Variants in POC1B observed in about 807,000 individuals in gnomAD.
POC1B encodes POC1 centriolar protein B, also known as POC1 centriolar protein homolog B.
A neutral mutation model predicts 60.6 loss-of-function variants in POC1B; 44 were observed. The observed-to-expected ratio is 0.73, with a 90% CI of 0.57 to 0.93. The LOEUF (loss-of-function observed/expected upper bound fraction) is 0.93. Ranked by LOEUF, POC1B falls within the 40% of genes least tolerant of loss-of-function variation. POC1B has a pLI of 0.00. For missense variants in POC1B, 555 were observed against 572.3 expected, an observed-to-expected ratio of 0.97 and a Z score of 0.31; for synonymous variants, 180 against 198.9, an observed-to-expected ratio of 0.90 and a Z score of 0.80.
chr12:89,430,906 AAGAGAAAT>A (rs1319182852), intron 10 of POC1B, among the ~76,000 whole-genome samples: 1 of 152,140 alleles, frequency 6.6e-6, no homozygotes, highest in African/African-American at 2.4e-5. Context: ...ATAGTATTTG[AAGAGAAAT>A]ATTACCCCCC....
At chr12:89,437,497 G>A (rs754024180) in intron 10 of POC1B, among the ~76,000 whole-genome samples, 1 of 152,040 alleles carries the variant, frequency 6.6e-6, no homozygotes, top group Non-Finnish European at 1.5e-5. Flanking sequence ...CTTATTATCA[G>A]GCAAATTTTT....
intron 4 of POC1B, among the ~76,000 whole-genome samples, chr12:89,474,759 G>C (rs73194509): frequency 0.065 from 9,887 of 152,272 alleles, 424 homozygotes; most frequent in Non-Finnish European, 0.097. Context: ...AAATTACTTA[G>C]AGCACTGGAA....
chr12:89,424,018 C>T (rs956340015), intron 11 of POC1B, among the ~76,000 whole-genome samples: 1 of 152,104 alleles, frequency 6.6e-6, no homozygotes, highest in Non-Finnish European at 1.5e-5. Flanking sequence ...AAAGAGATGT[C>T]TGATAAATAT....
chr12:89,502,417 G>T, intron 2 of POC1B: 1 of 1,445,882 alleles, frequency 6.9e-7, no homozygotes, highest in Non-Finnish European at 9.7e-7. Flanking sequence ...CGTGATTAGT[G>T]GAATACTATC....
intron 2 of POC1B, among the ~76,000 whole-genome samples, chr12:89,516,283 A>G (rs1193838207): frequency 1.3e-5 from 2 of 152,148 alleles, no homozygotes; most frequent in Non-Finnish European, 2.9e-5. Context: ...TACAGGTTGG[A>G]TATCTTCAAT....
At chr12:89,523,234 T>G in intron 2 of POC1B, 1 of 1,614,064 alleles carries the variant, frequency 6.2e-7, no homozygotes, top group Non-Finnish European at 8.5e-7. Context: ...TGGTCTATCC[T>G]CTGGAACATG....
At chr12:89,484,448 G>A (rs148469154) in intron 4 of POC1B, among the ~76,000 whole-genome samples, 3 of 152,302 alleles carry the variant, frequency 2.0e-5, no homozygotes, top group African/African-American at 4.8e-5. Flanking sequence ...AAAACTATGT[G>A]CAAATATGTG....
the POC1B span, among the ~76,000 whole-genome samples, chr12:89,404,132 T>TA: frequency 0.024 from 3,288 of 136,268 alleles, 78 homozygotes; most frequent in African/African-American, 0.063. Context: ...AACTCCATCT[T>TA]AAAAAAAAAA....
intron 2 of POC1B, chr12:89,523,015 TA>T (rs1172116403): frequency 4.3e-6 from 7 of 1,613,910 alleles, no homozygotes; most frequent in Non-Finnish European, 5.9e-6. Context: ...CATTCCCACA[TA>T]ATTTTTTTGC....
At chr12:89,490,240 T>C (rs1010871181) in intron 4 of POC1B, among the ~76,000 whole-genome samples, 1 of 152,210 alleles carries the variant, frequency 6.6e-6, no homozygotes, top group African/African-American at 2.4e-5. Flanking sequence ...TCCAACTAGG[T>C]GAGTCTAACT....
chr12:89,488,091 G>A (rs1868740649), intron 4 of POC1B, among the ~76,000 whole-genome samples: 1 of 152,074 alleles, frequency 6.6e-6, no homozygotes, highest in African/African-American at 2.4e-5. Context: ...ACATTATTGG[G>A]ACTTTTCATA....
At chr12:89,442,082 C>G (rs10858855) in intron 10 of POC1B, among the ~76,000 whole-genome samples, 29,407 of 152,072 alleles carry the variant, frequency 0.19, 3,258 homozygotes, top group South Asian at 0.36. Context: ...ATGAACAAAG[C>G]CTCCAAGAAA....
At chr12:89,485,897 T>G (rs1267630322) in intron 4 of POC1B, among the ~76,000 whole-genome samples, 1 of 152,210 alleles carries the variant, frequency 6.6e-6, no homozygotes, top group Non-Finnish European at 1.5e-5. Context: ...TACTCTACAG[T>G]GCTTCTCAGA....
chr12:89,459,791 G>A (rs1252611638), intron 9 of POC1B, 73 bp from the exon 10 acceptor site: 9 of 832,496 alleles, frequency 1.1e-5, no homozygotes, highest in Admixed American at 3.1e-5. Context: ...GTAAAAACCT[G>A]GAGGGCATTT....
intron 3 of POC1B, 132 bp downstream of exon 3, chr12:89,497,039 C>A: frequency 3.3e-6 from 3 of 904,922 alleles, no homozygotes; most frequent in Admixed American, 2.5e-5. Flanking sequence ...TTGACTTTAC[C>A]ACAAGGGCAG....
rs145121383 is a variant in POC1B, at chr12:89,505,719, A to G, written c.101-8377T>C. On this transcript the variant is annotated intron_variant, in intron 2 of 11. Transcript: ENST00000313546. ...ATATGATTTGTGCAATTTTTGGAACATATCAATGCTTCAATAAAACATTTA... is the reference window on the plus strand; with the variant it reads ...ATATGATTTGTGCAATTTTTGGAACGTATCAATGCTTCAATAAAACATTTA... 3.2e-3 allele frequency among the ~76,000 whole-genome samples: 493 copies of G among 152,354 alleles called. 3 individuals are homozygous for G. Among genetic ancestry groups the G allele is most frequent in the African/African-American group, 0.011 (458 of 41,572 alleles).
At chr12:89,523,488 G>C in intron 2 of POC1B, 1 of 1,612,418 alleles carries the variant, frequency 6.2e-7, no homozygotes, top group South Asian at 1.1e-5. Flanking sequence ...AACACGGGTG[G>C]ATCTCCAATT....
At chr12:89,498,532 G>A (rs1222350316) in intron 2 of POC1B, among the ~76,000 whole-genome samples, 3 of 152,168 alleles carry the variant, frequency 2.0e-5, no homozygotes, top group Admixed American at 1.3e-4. Flanking sequence ...GCTATATAAA[G>A]TCACTGAAAC....
chr12:89,490,648 A>G (rs2135736641), intron 4 of POC1B, among the ~76,000 whole-genome samples: 1 of 152,264 alleles, frequency 6.6e-6, no homozygotes, highest in East Asian at 1.9e-4. Flanking sequence ...CCCAGCCCCC[A>G]GACAGTTCTG....
Sources: gnomAD v4.1 joint callset for allele counts (sites outside exome capture counted in the v4.1 genomes callset) on GRCh38, gnomAD v4.1.1 for gene constraint, MANE v1.5 for transcripts, NCBI Gene and HGNC (gene_info 2026-07-23, HGNC 2026-07-21) for gene names.